NCKAP5: variants seen among roughly 807,000 people sequenced by gnomAD.
NCKAP5 encodes nck-associated protein 5.
Under a neutral mutation model 167.0 loss-of-function variants are expected in NCKAP5, and 92 were observed. The ratio of observed to expected loss-of-function variants is 0.55; its 90% CI spans 0.47 to 0.66. The LOEUF is 0.66. Ranked by LOEUF, NCKAP5 falls within the 30% of genes least tolerant of loss-of-function variation. The pLI, the probability that NCKAP5 is intolerant of heterozygous loss-of-function variation, is 0.00. For missense variants in NCKAP5, 2,378 were observed against 2,315.0 expected (o/e 1.03, Z -0.56); for synonymous variants, 891 against 877.4 (o/e 1.02, Z -0.27).
chr2:132,687,272 T>C (rs1189952971), intron 19 of NCKAP5, among the ~76,000 whole-genome samples: 1 of 152,154 alleles, frequency 6.6e-6, no homozygotes, highest in Non-Finnish European at 1.5e-5. Flanking sequence ...TAGCCTGGCC[T>C]GTGCAATTGT....
chr2:133,547,346 C>T (rs1686814210), intron 2 of NCKAP5, among the ~76,000 whole-genome samples: 1 of 152,172 alleles, frequency 6.6e-6, no homozygotes, highest in African/African-American at 2.4e-5. Flanking sequence ...AACAAAGCAG[C>T]CAGGAAGCTC....
chr2:132,869,110 G>T, intron 9 of NCKAP5, 136 bp from the exon 10 acceptor site: 1 of 526,158 alleles, frequency 1.9e-6, no homozygotes, highest in Non-Finnish European at 3.2e-6. Context: ...TATATGCAGA[G>T]ATCTGATTAT....
chr2:133,464,182 T>C lies in NCKAP5; in HGVS notation c.69+53276A>G, dbSNP rs546590663. ...TCTCACAGGTTCAAAAAACAGATGA[T>C]TTTGAACAGAAAGACAGAAACACAG... On this transcript the variant is annotated intron_variant, in intron 3 of 19. Transcript: ENST00000409261. 9.1e-4 allele frequency among the ~76,000 whole-genome samples: 139 copies of C among 152,308 alleles called. 1 individual carries two copies. Among genetic ancestry groups the C allele is most frequent in the African/African-American group, 3.0e-3 (125 of 41,578 alleles).
intron 6 of NCKAP5, among the ~76,000 whole-genome samples, chr2:133,010,874 AAAG>A (rs1258599261): frequency 2.0e-5 from 3 of 152,232 alleles, no homozygotes; most frequent in Non-Finnish European, 4.4e-5. Flanking sequence ...ATGGTACAAA[AAAG>A]AAAAAAGCAA....
intron 6 of NCKAP5, among the ~76,000 whole-genome samples, chr2:133,116,018 T>C (rs1195658158): frequency 6.6e-6 from 1 of 151,822 alleles, no homozygotes; most frequent in African/African-American, 2.4e-5. Flanking sequence ...TATTTAAATC[T>C]ACCATTCACT....
chr2:133,484,406 T>C (rs1680724818), intron 3 of NCKAP5, among the ~76,000 whole-genome samples: 1 of 152,176 alleles, frequency 6.6e-6, no homozygotes, highest in African/African-American at 2.4e-5. Context: ...CCACCTGGTG[T>C]TGCTCACAAG....
chr2:133,558,552 C>T (rs1687914662), intron 2 of NCKAP5, among the ~76,000 whole-genome samples: 2 of 151,870 alleles, frequency 1.3e-5, no homozygotes, highest in South Asian at 4.2e-4. Context: ...CACATCCTCC[C>T]TACACCCTTC....
At chr2:132,827,549 C>T (rs1164706085) in intron 11 of NCKAP5, among the ~76,000 whole-genome samples, 4 of 152,132 alleles carry the variant, frequency 2.6e-5, no homozygotes, top group Admixed American at 2.0e-4. Flanking sequence ...CTTTAATCCT[C>T]GCAACTTCCC....
chr2:133,223,972 C>T (rs2086771946), intron 4 of NCKAP5, among the ~76,000 whole-genome samples: 1 of 152,166 alleles, frequency 6.6e-6, no homozygotes. Context: ...AGTTAGTAAA[C>T]ACAAACTAAC....
At chr2:133,519,681 G>C (rs1558749408) in intron 2 of NCKAP5, among the ~76,000 whole-genome samples, 8 of 152,320 alleles carry the variant, frequency 5.3e-5, no homozygotes, top group Admixed American at 3.3e-4. Flanking sequence ...TATGCATTGA[G>C]TGCCTACTGT....
the NCKAP5 span, among the ~76,000 whole-genome samples, chr2:133,650,593 G>T: frequency 2.6e-5 from 4 of 152,216 alleles, no homozygotes; most frequent in Admixed American, 1.3e-4. Flanking sequence ...GGTTCCAGGA[G>T]GCTGAGTGTG....
chr2:132,762,655 C>T (rs1681106393), intron 16 of NCKAP5, among the ~76,000 whole-genome samples: 1 of 152,234 alleles, frequency 6.6e-6, no homozygotes, highest in African/African-American at 2.4e-5. Context: ...GCTCTGGCAG[C>T]TCAGCTTCCC....
intron 5 of NCKAP5, among the ~76,000 whole-genome samples, chr2:133,209,885 C>T (rs960469162): frequency 1.4e-4 from 21 of 152,114 alleles, no homozygotes; most frequent in African/African-American, 4.8e-4. Context: ...AAAGAAATCT[C>T]AGCCAGGTGT....
chr2:133,215,156 G>A lies in NCKAP5; in HGVS notation c.144-1377C>T, dbSNP rs533073204. Among the ~76,000 whole-genome samples the A allele has an allele frequency of 9.2e-5, 14 of 152,254 alleles. No homozygotes were observed. In the South Asian group the frequency reaches 2.9e-3, roughly 32 times the overall value. ...AAGGGGCAACAGAGTAGATAGGAAG[G>A]AGCCACAAAGGGATGGAAGCCATGT... On this transcript the variant is annotated intron_variant, in intron 4 of 19. Coordinates refer to ENST00000409261, the MANE Select transcript of NCKAP5 (RefSeq NM_207363.3).
At chr2:133,133,341 G>A (rs551568134) in intron 5 of NCKAP5, among the ~76,000 whole-genome samples, 1 of 152,314 alleles carries the variant, frequency 6.6e-6, no homozygotes, top group African/African-American at 2.4e-5. Flanking sequence ...AGAGCCTCAT[G>A]ATGATTTTCA....
At chr2:133,092,645 T>C (rs934683544) in intron 6 of NCKAP5, among the ~76,000 whole-genome samples, 1 of 152,234 alleles carries the variant, frequency 6.6e-6, no homozygotes, top group Non-Finnish European at 1.5e-5. Context: ...ACTGGTTTCA[T>C]TATGCATCGT....
chr2:132,825,808 A>G (rs1000011114), intron 11 of NCKAP5, among the ~76,000 whole-genome samples: 3 of 152,262 alleles, frequency 2.0e-5, no homozygotes, highest in Non-Finnish European at 4.4e-5. Context: ...ATCTTACACA[A>G]CATACTTATG....
intron 3 of NCKAP5, among the ~76,000 whole-genome samples, chr2:133,369,748 T>A (rs970475848): frequency 6.6e-6 from 1 of 152,220 alleles, no homozygotes; most frequent in African/African-American, 2.4e-5. Flanking sequence ...ATGGCTTAAA[T>A]AGCATCTAAA....
chr2:132,781,042 G>A lies in NCKAP5; in HGVS notation c.5049+10C>T. ...TGTAGCACTTGATACCAGGATGGTG[G>A]AGCACTTACCAGGGAGTCTTTTGGT... On this transcript the variant is annotated intron_variant, in intron 15 of 19. Transcript: ENST00000409261. 6.2e-7 allele frequency: 1 copy of A among 1,611,806 alleles called. No homozygotes were observed. The highest frequency in any genetic ancestry group is 8.5e-7 in the Non-Finnish European group (1 of 1,178,834).
Sources: gnomAD v4.1 joint callset for allele counts (sites outside exome capture counted in the v4.1 genomes callset) on GRCh38, gnomAD v4.1.1 for gene constraint, MANE v1.5 for transcripts, NCBI Gene and HGNC (gene_info 2026-07-23, HGNC 2026-07-21) for gene names.